Variants in CNGB3 observed in about 807,000 individuals in gnomAD.
CNGB3 encodes the protein cyclic nucleotide gated channel subunit beta 3.
A neutral mutation model predicts 92.8 loss-of-function variants in CNGB3; 86 were observed. The ratio of observed to expected loss-of-function variants is 0.93; its 90% CI spans 0.78 to 1.11. The LOEUF (loss-of-function observed/expected upper bound fraction) is 1.11. Ranked by LOEUF, CNGB3 falls within the 50% of genes least tolerant of loss-of-function variation. The probability of loss-of-function intolerance (pLI) is 0.00; values close to 1 mark genes in which losing one functional copy is unlikely to be tolerated. For missense variants in CNGB3, 1,026 were observed against 956.8 expected (o/e 1.07, Z -0.95); for synonymous variants, 333 against 332.7 (o/e 1.00, Z -0.01).
At chr8:86,731,339 C>G (rs1167400038) in intron 2 of CNGB3, among the ~76,000 whole-genome samples, 1 of 152,100 alleles carries the variant, frequency 6.6e-6, no homozygotes, top group East Asian at 1.9e-4. Context: ...TGCATGGGGT[C>G]AAAACTAAGG....
intron 3 of CNGB3, among the ~76,000 whole-genome samples, chr8:86,697,845 A>G (rs1300365008): frequency 7.1e-6 from 1 of 141,254 alleles, no homozygotes; most frequent in Non-Finnish European, 1.5e-5. Context: ...CCTGTGTCCT[A>G]GTGTTCTCAT....
chr8:86,655,567 T>C (rs569231350), intron 6 of CNGB3, among the ~76,000 whole-genome samples: 6 of 152,302 alleles, frequency 3.9e-5, no homozygotes, highest in Non-Finnish European at 7.3e-5. Context: ...CTAAGGGTCT[T>C]CTCTGTCAGA....
At chr8:86,732,498 C>A (rs1825173528) in intron 2 of CNGB3, among the ~76,000 whole-genome samples, 1 of 152,170 alleles carries the variant, frequency 6.6e-6, no homozygotes, top group African/African-American at 2.4e-5. Context: ...AGAAATGAAG[C>A]CATATTCACT....
At chr8:86,719,746 A>G (rs1824930232) in intron 3 of CNGB3, among the ~76,000 whole-genome samples, 1 of 152,208 alleles carries the variant, frequency 6.6e-6, no homozygotes, top group Non-Finnish European at 1.5e-5. Flanking sequence ...ACTTCAAGCT[A>G]TGCTATAAGG....
At position 86,671,116 on chromosome 8, in the gene CNGB3, T is replaced by C. The variant is rs756572960; in HGVS notation, c.339-18A>G. 7 of 1,612,008 alleles carry C rather than the reference T, an allele frequency of 4.3e-6. No homozygotes were observed. The East Asian group carries it at 1.6e-4, about 36-fold the overall frequency. On this transcript the variant is annotated intron_variant, in intron 3 of 17. Coordinates refer to ENST00000320005, the MANE Select transcript of CNGB3 (RefSeq NM_019098.5). ...TTTGTGGGCTAAATGAGAAAAAAAA[T>C]GGCAATAGAGATGGGCCCATGAAGA...
At chr8:86,676,314 G>A (rs1823967702) in intron 3 of CNGB3, among the ~76,000 whole-genome samples, 1 of 152,150 alleles carries the variant, frequency 6.6e-6, no homozygotes, top group African/African-American at 2.4e-5. Flanking sequence ...AATCATGAAG[G>A]ATGGACAGCA....
intron 16 of CNGB3, 74 bp downstream of exon 16, chr8:86,579,032 C>T (rs1009663860): frequency 1.6e-5 from 26 of 1,582,080 alleles, no homozygotes; most frequent in Admixed American, 8.3e-5. Flanking sequence ...AATCATAATA[C>T]GGTTCTCCCT....
intron 2 of CNGB3, among the ~76,000 whole-genome samples, chr8:86,733,596 T>C (rs1825195955): frequency 6.6e-6 from 1 of 152,218 alleles, no homozygotes. Context: ...GGCTGGTGAA[T>C]AGGACTGAAA....
Position 86,602,394 on chromosome 8 carries a change from C to T in CNGB3, c.1781+1699G>A, listed in dbSNP as rs1306870008. On this transcript the variant is annotated intron_variant, in intron 15 of 17. Coordinates refer to ENST00000320005, the MANE Select transcript of CNGB3 (RefSeq NM_019098.5). ...ACATTCCAAAGAAACCCTAACAATG[C>T]TAATATGAAGTCATCTAAAATTATC... 2.6e-5 allele frequency among the ~76,000 whole-genome samples: 4 copies of T among 152,256 alleles called. No individual in the cohort carries two copies. The East Asian group carries it at 5.8e-4, about 22-fold the overall frequency.
intron 6 of CNGB3, among the ~76,000 whole-genome samples, chr8:86,662,589 A>C (rs1823663264): frequency 6.6e-6 from 1 of 152,230 alleles, no homozygotes; most frequent in South Asian, 2.1e-4. Context: ...TGCGATAGCC[A>C]GGTGGGAGGG....
chr8:86,703,514 G>A (rs1467130995), intron 3 of CNGB3, among the ~76,000 whole-genome samples: 1 of 152,134 alleles, frequency 6.6e-6, no homozygotes, highest in Non-Finnish European at 1.5e-5. Context: ...GTGTGTGGCT[G>A]CATGATGTCT....
chr8:86,598,072 G>T (rs73271528), intron 15 of CNGB3, among the ~76,000 whole-genome samples: 5,936 of 152,276 alleles, frequency 0.039, 329 homozygotes, highest in African/African-American at 0.13. Context: ...AGAGAGGTAG[G>T]CAGGGGCTAG....
chr8:86,718,474 A>C (rs534352775), intron 3 of CNGB3, among the ~76,000 whole-genome samples: 3 of 152,282 alleles, frequency 2.0e-5, no homozygotes, highest in African/African-American at 4.8e-5. Flanking sequence ...CCAGGAAGAA[A>C]TAGAAACTCT....
At chr8:86,731,296 A>G (rs1825150681) in intron 2 of CNGB3, among the ~76,000 whole-genome samples, 1 of 152,124 alleles carries the variant, frequency 6.6e-6, no homozygotes, top group South Asian at 2.1e-4. Context: ...AGCCTGTGCT[A>G]AGGGAGCCTG....
Position 86,658,060 on chromosome 8 carries a change from A to G in CNGB3, c.853-3998T>C, listed in dbSNP as rs1189166069. 83 of 531,690 alleles carry G rather than the reference A, an allele frequency of 1.6e-4. 1 individual carries two copies. In the East Asian group the frequency reaches 3.4e-3, roughly 22 times the overall value. 32.9% of individuals were successfully genotyped at this position (531,690 alleles called of 1,614,324 possible). On this transcript the variant is annotated intron_variant, in intron 6 of 17. Coordinates refer to ENST00000320005, the MANE Select transcript of CNGB3 (RefSeq NM_019098.5). ...CATGAGCTCCATAAAGTGGCTCTGC[A>G]GCTTCTCCATGGCCCCCTGCAGGGC...
intron 6 of CNGB3, among the ~76,000 whole-genome samples, chr8:86,655,331 G>C (rs1169114087): frequency 6.6e-6 from 1 of 152,010 alleles, no homozygotes; most frequent in South Asian, 2.1e-4. Flanking sequence ...ATGATTTTAA[G>C]GAAAAAAGTG....
At chr8:86,675,171 A>T (rs1823941939) in intron 3 of CNGB3, among the ~76,000 whole-genome samples, 2 of 152,030 alleles carry the variant, frequency 1.3e-5, no homozygotes, top group South Asian at 2.1e-4. Flanking sequence ...CATGTTGGCT[A>T]GGTTGGTCTA....
Position 86,670,961 on chromosome 8 carries a change from T to A in CNGB3, c.476A>T (p.Glu159Val), listed in dbSNP as rs966010799. 2 of 1,612,352 alleles carry A rather than the reference T, an allele frequency of 1.2e-6. No homozygotes were observed. Among genetic ancestry groups the A allele is most frequent in the Non-Finnish European group, 1.7e-6 (2 of 1,179,992 alleles). ...KLVEGDLSSP[E>V]ASPQTAKPTA... Reference sequence around the variant, plus strand: ...ATGCTTACCAGTTTGTGGGCTGGCTTCGGGTGAGGAGAGATCTCCCTCTAC... The same window carrying A: ...ATGCTTACCAGTTTGTGGGCTGGCTACGGGTGAGGAGAGATCTCCCTCTAC... Residue 159 changes from glutamate to valine, a missense_variant, in exon 4 of 18, where the codon GAA (glutamate) becomes GTA (valine). By Grantham distance (121) the Glu-to-Val change is moderately radical. Transcript: ENST00000320005.
At position 86,600,845 on chromosome 8, in the gene CNGB3, C is replaced by T. The variant is rs577419631; in HGVS notation, c.1781+3248G>A. ...TGGGGTTTCACAGTGTTAGCTGGGA[C>T]GGTCTTGATCTCCAGGCCTTGTGAT... On this transcript the variant is annotated intron_variant, in intron 15 of 17. Transcript: ENST00000320005. 1.9e-4 allele frequency among the ~76,000 whole-genome samples: 23 copies of T among 118,824 alleles called. No individual in the cohort carries two copies. The East Asian group carries it at 4.7e-3, about 24-fold the overall frequency. 78.0% of individuals were successfully genotyped at this position (118,824 alleles called of 152,430 possible).
Sources: gnomAD v4.1 joint callset for allele counts (sites outside exome capture counted in the v4.1 genomes callset) on GRCh38, gnomAD v4.1.1 for gene constraint, MANE v1.5 for transcripts, NCBI Gene and HGNC (gene_info 2026-07-23, HGNC 2026-07-21) for gene names.